Variants in ITGA9 observed in about 807,000 individuals in gnomAD.
The protein encoded by ITGA9 is integrin alpha-9.
Under a neutral mutation model 127.8 loss-of-function variants are expected in ITGA9, and 56 were observed. The ratio of observed to expected loss-of-function variants is 0.44; its 90% confidence interval spans 0.35 to 0.55. The LOEUF (loss-of-function observed/expected upper bound fraction) is 0.55, where lower values mean the gene tolerates loss of function less well. Ranked by LOEUF, ITGA9 falls within the 20% of genes least tolerant of loss-of-function variation. The probability of loss-of-function intolerance (pLI) is 0.00; values close to 1 mark genes in which losing one functional copy is unlikely to be tolerated. For missense variants in ITGA9, 1,196 were observed against 1,347.1 expected (o/e 0.89, Z 1.76); for synonymous variants, 508 against 514.5 (o/e 0.99, Z 0.17).
chr3:37,556,133 G>A (rs1699428836), intron 15 of ITGA9, among the ~76,000 whole-genome samples: 1 of 152,200 alleles, frequency 6.6e-6, no homozygotes, highest in African/African-American at 2.4e-5. Flanking sequence ...AGCATGGCAG[G>A]GGCTGGGCCA....
At chr3:37,508,228 A>G (rs1698865235) in intron 7 of ITGA9, among the ~76,000 whole-genome samples, 1 of 152,248 alleles carries the variant, frequency 6.6e-6, no homozygotes, top group African/African-American at 2.4e-5. Context: ...GGAATAAAGG[A>G]AATATTTCAA....
intron 18 of ITGA9, among the ~76,000 whole-genome samples, chr3:37,708,703 G>A (rs1308849816): frequency 0.011 from 1 of 94 alleles, no homozygotes; most frequent in African/African-American, 0.036. Flanking sequence ...CAGCCCCAAT[G>A]CCAACAGCAT....
chr3:37,629,330 G>C lies in ITGA9; in HGVS notation c.1833G>C (p.Lys611Asn). ...AAAAGGGACAAAAGATTGCCCAAAA[G>C]AATCAGGTCAGAACCTTAAAGCTCA... ...RWKKGQKIAQ[K>N]NQTVFERNCR... Residue 611 changes from lysine (K) to asparagine (N), a missense_variant, in exon 16 of 28, where the codon AAG (lysine) becomes AAC (asparagine). Physicochemically the swap from Lys to Asn is moderately conservative, Grantham distance 94. Transcript: ENST00000264741. The surrounding 1 kb of genome is among the most constrained non-coding windows in gnomAD (Gnocchi z 4.5). 6.2e-7 allele frequency: 1 copy of C among 1,614,070 alleles called. No individual in the cohort carries two copies. Among genetic ancestry groups the C allele is most frequent in the Non-Finnish European group, 8.5e-7 (1 of 1,180,004 alleles).
intron 14 of ITGA9, among the ~76,000 whole-genome samples, chr3:37,537,947 A>G (rs184485992): frequency 9.1e-4 from 139 of 152,328 alleles, no homozygotes; most frequent in Admixed American, 1.4e-3. Flanking sequence ...CCTGGCTAGC[A>G]TAGGTGAAGG....
intron 15 of ITGA9, among the ~76,000 whole-genome samples, chr3:37,567,067 C>T (rs1250226720): frequency 1.3e-5 from 2 of 152,124 alleles, no homozygotes; most frequent in Admixed American, 1.3e-4. Context: ...GATGTGTAGT[C>T]TGTTTTCACA....
At chr3:37,619,624 T>C (rs1466398476) in intron 15 of ITGA9, among the ~76,000 whole-genome samples, 1 of 152,188 alleles carries the variant, frequency 6.6e-6, no homozygotes, top group African/African-American at 2.4e-5. Context: ...ATTACAAATT[T>C]AGCAGCTTAA....
At chr3:37,610,308 A>G (rs531918823) in intron 15 of ITGA9, among the ~76,000 whole-genome samples, 335 of 152,320 alleles carry the variant, frequency 2.2e-3, no homozygotes, top group African/African-American at 7.8e-3. Context: ...GTTTAATTAA[A>G]ACTCATAGTT....
intron 11 of ITGA9, among the ~76,000 whole-genome samples, chr3:37,521,344 T>C (rs1257801399): frequency 2.6e-5 from 4 of 152,220 alleles, no homozygotes; most frequent in Non-Finnish European, 5.9e-5. Flanking sequence ...GTATTATTTC[T>C]GCTGGGTAAA....
At position 37,471,225 on chromosome 3, in the gene ITGA9, C is replaced by A. The variant is rs1049516105; in HGVS notation, c.313+91C>A. The stretch of plus-strand genomic sequence containing the variant: ...CCAGGATGGCCTGATCATTCACTCA[C>A]CCATCCATCCTTCCCTCCTTCCCTC... On this transcript the variant is annotated intron_variant, in intron 2 of 27. Coordinates refer to ENST00000264741, the MANE Select transcript of ITGA9 (RefSeq NM_002207.3). The A allele has an allele frequency of 1.0e-5, 14 of 1,398,384 alleles. No individual in the cohort carries two copies. The Admixed American group carries it at 2.3e-4, about 23-fold the overall frequency. The allele number at this position is 1,398,384 out of a possible 1,614,324, so 86.6% of individuals were successfully genotyped here. A position where few individuals can be genotyped will look rare whatever the true frequency, so the allele number is the denominator to read the frequency against.
chr3:37,586,530 A>G (rs189897256), intron 15 of ITGA9, among the ~76,000 whole-genome samples: 7 of 152,362 alleles, frequency 4.6e-5, no homozygotes, highest in Non-Finnish European at 7.3e-5. Flanking sequence ...TGGCATTTCA[A>G]GTTTCTGCAG....
At chr3:37,770,448 C>A (rs1285813674) in intron 23 of ITGA9, among the ~76,000 whole-genome samples, 6 of 152,080 alleles carry the variant, frequency 3.9e-5, no homozygotes, top group African/African-American at 1.4e-4. Flanking sequence ...TGGGAGGAAA[C>A]CTGTGTCCTC....
At chr3:37,692,983 A>G (rs1249262406) in intron 18 of ITGA9, among the ~76,000 whole-genome samples, 1 of 152,228 alleles carries the variant, frequency 6.6e-6, no homozygotes, top group African/African-American at 2.4e-5. Context: ...CAGTGCTGAC[A>G]GGCCAGGAAG....
intron 16 of ITGA9, among the ~76,000 whole-genome samples, chr3:37,635,848 T>A (rs1327386105): frequency 6.7e-6 from 1 of 149,668 alleles, no homozygotes; most frequent in Non-Finnish European, 1.5e-5. Context: ...TTCTCATTGT[T>A]CAATTCCCAC....
At chr3:37,735,686 C>G (rs1042232771) in intron 19 of ITGA9, among the ~76,000 whole-genome samples, 1 of 152,144 alleles carries the variant, frequency 6.6e-6, no homozygotes, top group Non-Finnish European at 1.5e-5. Context: ...AGGGTTCCTC[C>G]CACATTCTCA....
intron 17 of ITGA9, among the ~76,000 whole-genome samples, chr3:37,675,756 T>A (rs2125658650): frequency 6.6e-6 from 1 of 151,116 alleles, no homozygotes; most frequent in South Asian, 2.1e-4. Context: ...TTTTTTTTTT[T>A]TTTTTTGAGA....
At chr3:37,748,046 C>A in intron 22 of ITGA9, 1 of 352,142 alleles carries the variant, frequency 2.8e-6, no homozygotes, top group Non-Finnish European at 5.5e-6. Flanking sequence ...TGGAACATTT[C>A]AATCACCCCC....
At chr3:37,622,062 G>A (rs1700133494) in intron 15 of ITGA9, among the ~76,000 whole-genome samples, 1 of 151,720 alleles carries the variant, frequency 6.6e-6, no homozygotes, top group Non-Finnish European at 1.5e-5. Flanking sequence ...AGTCAGCTGT[G>A]CTTGTCATAA....
At chr3:37,734,870 T>G (rs1362000735) in intron 19 of ITGA9, among the ~76,000 whole-genome samples, 1 of 152,204 alleles carries the variant, frequency 6.6e-6, no homozygotes, top group Non-Finnish European at 1.5e-5. Context: ...GCTACCACTT[T>G]CCTCCCACAT....
rs557500934 is a variant in ITGA9, at chr3:37,499,302, G to T, written c.613-3876G>T. ...AGTTTGTTCAGCACGGACTTCTGTT[G>T]TAGATCCCGGGCACTCCTGCCCAGC... On this transcript the variant is annotated intron_variant, in intron 5 of 27. Transcript: ENST00000264741. 1.3e-3 allele frequency among the ~76,000 whole-genome samples: 198 copies of T among 152,344 alleles called. 1 individual carries two copies. Among genetic ancestry groups the T allele is most frequent in the African/African-American group, 4.7e-3 (195 of 41,582 alleles).
Sources: allele counts gnomAD v4.1 joint callset (sites outside exome capture counted in the v4.1 genomes callset), GRCh38; gene constraint gnomAD v4.1.1; non-coding constraint Gnocchi (gnomAD v3.1); transcripts MANE v1.5; gene names NCBI Gene and HGNC (gene_info 2026-07-23, HGNC 2026-07-21).